Variants in SPMIP2 observed in about 807,000 individuals in gnomAD.
The protein encoded by SPMIP2 is protein SPMIP2.
At chr4:158,942,396 T>C in the SPMIP2 span, among the ~76,000 whole-genome samples, 2 of 152,212 alleles carry the variant, frequency 1.3e-5, no homozygotes, top group Non-Finnish European at 2.9e-5. Context: ...AAATCCTCCC[T>C]GATGTTAACA....
chr4:158,914,383 C>T, the SPMIP2 span, among the ~76,000 whole-genome samples: 1 of 152,200 alleles, frequency 6.6e-6, no homozygotes, highest in Non-Finnish European at 1.5e-5. Context: ...TGAATCAGAT[C>T]TCTGGCAACA....
chr4:159,074,965 T>C, the SPMIP2 span, among the ~76,000 whole-genome samples: 1 of 152,164 alleles, frequency 6.6e-6, no homozygotes, highest in Non-Finnish European at 1.5e-5. Context: ...CTTACCAATC[T>C]GAAGTCTGGT....
At chr4:158,929,524 T>C in the SPMIP2 span, among the ~76,000 whole-genome samples, 1 of 152,258 alleles carries the variant, frequency 6.6e-6, no homozygotes, top group Non-Finnish European at 1.5e-5. Context: ...TAGTACACTA[T>C]TTTAATTCCC....
chr4:158,973,866 G>A, the SPMIP2 span, among the ~76,000 whole-genome samples: 1 of 151,258 alleles, frequency 6.6e-6, no homozygotes, highest in Non-Finnish European at 1.5e-5. Context: ...CACACCTGTG[G>A]TCCCAGCTAT....
At chr4:158,945,059 A>G in the SPMIP2 span, among the ~76,000 whole-genome samples, 839 of 149,650 alleles carry the variant, frequency 5.6e-3, 11 homozygotes, top group African/African-American at 0.021. Context: ...CACTGTCTTC[A>G]TCGGTCTCTG....
At chr4:158,983,691 T>C in the SPMIP2 span, among the ~76,000 whole-genome samples, 28 of 85,168 alleles carry the variant, frequency 3.3e-4, no homozygotes, top group Middle Eastern at 8.1e-3. Context: ...TGCAAAATCA[T>C]GCCAAAATGT....
the SPMIP2 span, among the ~76,000 whole-genome samples, chr4:159,000,317 C>G: frequency 1.3e-5 from 2 of 152,114 alleles, no homozygotes; most frequent in African/African-American, 2.4e-5. Context: ...TCAAACAGCT[C>G]TATCCATGGA....
the SPMIP2 span, among the ~76,000 whole-genome samples, chr4:158,999,774 T>A: frequency 6.6e-6 from 1 of 152,222 alleles, no homozygotes; most frequent in Non-Finnish European, 1.5e-5. Context: ...AGGTGAAATA[T>A]TAGGTGGGTA....
At chr4:158,999,097 AG>A in the SPMIP2 span, among the ~76,000 whole-genome samples, 2 of 151,800 alleles carry the variant, frequency 1.3e-5, no homozygotes, top group Non-Finnish European at 1.5e-5. Context: ...CCAGGAGGTC[AG>A]GAGGTTGAGG....
the SPMIP2 span, among the ~76,000 whole-genome samples, chr4:158,937,160 A>G: frequency 5.9e-5 from 9 of 152,326 alleles, no homozygotes; most frequent in African/African-American, 1.9e-4. Flanking sequence ...ATAATGTTGT[A>G]TCTTGTTTGC....
chr4:159,054,969 C>A, the SPMIP2 span, among the ~76,000 whole-genome samples: 1 of 152,194 alleles, frequency 6.6e-6, no homozygotes. Flanking sequence ...CTTATTCCCC[C>A]CATCTGAGGC....
At chr4:158,934,180 G>A in the SPMIP2 span, among the ~76,000 whole-genome samples, 6 of 152,158 alleles carry the variant, frequency 3.9e-5, no homozygotes, top group Non-Finnish European at 7.3e-5. Context: ...ATAGGAACAG[G>A]TCAGGTGTGG....
the SPMIP2 span, chr4:158,908,124 G>A: frequency 6.6e-6 from 1 of 152,174 alleles, no homozygotes; most frequent in African/African-American, 2.4e-5. Context: ...AATTCGTGCT[G>A]AAAACAAGCT....
chr4:159,054,498 C>T, the SPMIP2 span, among the ~76,000 whole-genome samples: 1 of 152,152 alleles, frequency 6.6e-6, no homozygotes, highest in African/African-American at 2.4e-5. Flanking sequence ...CTCTCACTCC[C>T]CACCACACTG....
chr4:158,950,094 C>T, the SPMIP2 span, among the ~76,000 whole-genome samples: 21 of 152,284 alleles, frequency 1.4e-4, no homozygotes, highest in South Asian at 3.3e-3. Flanking sequence ...TGCAGTGTTC[C>T]GTAAGTGTTC....
chr4:158,895,760 A>G, the SPMIP2 span: 2 of 1,608,832 alleles, frequency 1.2e-6, no homozygotes, highest in African/African-American at 1.3e-5. Flanking sequence ...TGCATCATGC[A>G]TCTTGAAGAT....
chr4:158,911,377 A>AATAAATAAATAAATAAAT, the SPMIP2 span, among the ~76,000 whole-genome samples: 4 of 147,282 alleles, frequency 2.7e-5, no homozygotes, highest in Non-Finnish European at 5.9e-5. Context: ...TAAATAAATA[A>AATAAATAAATAAATAAAT]ATAAATAAAA....
chr4:158,909,781 G>A, the SPMIP2 span, among the ~76,000 whole-genome samples: 1 of 152,010 alleles, frequency 6.6e-6, no homozygotes, highest in Non-Finnish European at 1.5e-5. Context: ...AATGGCTCAC[G>A]CCTGTAATCC....
chr4:159,014,695 G>A, the SPMIP2 span, among the ~76,000 whole-genome samples: 1 of 152,086 alleles, frequency 6.6e-6, no homozygotes, highest in Non-Finnish European at 1.5e-5. Flanking sequence ...CAATGTGTCA[G>A]ATGGGTATTT....
Sources: allele counts gnomAD v4.1 joint callset (sites outside exome capture counted in the v4.1 genomes callset), GRCh38; gene constraint gnomAD v4.1.1; transcripts MANE v1.5; gene names NCBI Gene and HGNC (gene_info 2026-07-23, HGNC 2026-07-21).